The following GALNT13 variants were observed in gnomAD, a reference collection of about 807,000 sequenced individuals.
The protein encoded by GALNT13 is UDP-GalNAc:polypeptide N-acetylgalactosaminyltransferase 13.
GALNT13 carries 28 observed loss-of-function variants against 64.2 expected under a neutral mutation model. The observed-to-expected ratio is 0.44, with a 90% CI of 0.32 to 0.60. The LOEUF (loss-of-function observed/expected upper bound fraction) is 0.60, where lower values mean the gene tolerates loss of function less well. GALNT13 is among the 20% of genes least tolerant of loss of function. GALNT13 has a pLI of 0.05. For synonymous variants in GALNT13, 214 were observed against 224.6 expected (o/e 0.95, Z 0.42); for missense variants, 577 against 669.8 (o/e 0.86, Z 1.53).
chr2:154,386,353 A>C (rs529001088), intron 9 of GALNT13, among the ~76,000 whole-genome samples: 45 of 152,068 alleles, frequency 3.0e-4, no homozygotes, highest in Non-Finnish European at 3.7e-4. Context: ...GTGGTAAGTA[A>C]GGCAATCATG....
chr2:154,431,906 C>T (rs929015269), intron 11 of GALNT13, among the ~76,000 whole-genome samples: 4 of 152,192 alleles, frequency 2.6e-5, no homozygotes, highest in African/African-American at 9.7e-5. Flanking sequence ...TTGTGAGCCT[C>T]CCCAGCTATG....
chr2:154,262,534 T>A (rs1690755846), intron 8 of GALNT13, among the ~76,000 whole-genome samples: 1 of 152,174 alleles, frequency 6.6e-6, no homozygotes, highest in Admixed American at 6.6e-5. Flanking sequence ...GTTTCAAATA[T>A]TTCTCCCTAC....
At chr2:154,182,042 G>A (rs985396091) in intron 4 of GALNT13, among the ~76,000 whole-genome samples, 1 of 151,950 alleles carries the variant, frequency 6.6e-6, no homozygotes, top group African/African-American at 2.4e-5. Context: ...AATTCTTACC[G>A]AATATCAAAC....
chr2:153,755,482 G>A, the GALNT13 span, among the ~76,000 whole-genome samples: 1 of 151,796 alleles, frequency 6.6e-6, no homozygotes, highest in African/African-American at 2.4e-5. Context: ...GTTTTAATGG[G>A]CATTTCTCTA....
At chr2:153,322,071 G>T in the GALNT13 span, among the ~76,000 whole-genome samples, 1 of 151,604 alleles carries the variant, frequency 6.6e-6, no homozygotes, top group Admixed American at 6.6e-5. Flanking sequence ...ACATGTGAAG[G>T]TTTGTTACTT....
intron 3 of GALNT13, among the ~76,000 whole-genome samples, chr2:154,061,230 A>G (rs1558936808): frequency 6.6e-6 from 1 of 151,982 alleles, no homozygotes; most frequent in African/African-American, 2.4e-5. Flanking sequence ...TTATTTTTCT[A>G]TTATAAAAGC....
chr2:154,309,611 G>C (rs1417359732), intron 9 of GALNT13, among the ~76,000 whole-genome samples: 1 of 152,118 alleles, frequency 6.6e-6, no homozygotes, highest in Non-Finnish European at 1.5e-5. Flanking sequence ...TCTTGTGAGA[G>C]CAAGAACTCA....
At chr2:153,828,685 T>G in the GALNT13 span, among the ~76,000 whole-genome samples, 1 of 152,294 alleles carries the variant, frequency 6.6e-6, no homozygotes, top group East Asian at 1.9e-4. Context: ...TTTTCACCAT[T>G]GTTTGGGGAT....
chr2:154,365,837 A>C (rs1402287757), intron 9 of GALNT13, among the ~76,000 whole-genome samples: 1 of 152,206 alleles, frequency 6.6e-6, no homozygotes, highest in Non-Finnish European at 1.5e-5. Context: ...CTTAGCAGCC[A>C]AATTTTCTGA....
intron 7 of GALNT13, among the ~76,000 whole-genome samples, chr2:154,249,485 G>T (rs1376252656): frequency 6.6e-6 from 1 of 152,116 alleles, no homozygotes; most frequent in Non-Finnish European, 1.5e-5. Context: ...TCTTAATTAT[G>T]CCCTGTAAGT....
intron 3 of GALNT13, among the ~76,000 whole-genome samples, chr2:153,978,469 A>G (rs1319969421): frequency 1.3e-5 from 2 of 151,982 alleles, no homozygotes; most frequent in African/African-American, 2.4e-5. Context: ...TTGAATTCCC[A>G]TGTGTTGTGG....
intron 3 of GALNT13, among the ~76,000 whole-genome samples, chr2:154,068,012 T>C (rs1700556796): frequency 6.6e-6 from 1 of 151,794 alleles, no homozygotes; most frequent in African/African-American, 2.4e-5. Context: ...AACAACTACA[T>C]AGGAAAAAAT....
chr2:153,176,774 A>C, the GALNT13 span, among the ~76,000 whole-genome samples: 1 of 149,534 alleles, frequency 6.7e-6, no homozygotes, highest in Non-Finnish European at 1.5e-5. Flanking sequence ...TGAGTTTAAA[A>C]AAAAAAAAAA....
At chr2:153,611,171 A>G in the GALNT13 span, among the ~76,000 whole-genome samples, 2 of 152,150 alleles carry the variant, frequency 1.3e-5, no homozygotes, top group African/African-American at 4.8e-5. Context: ...ATTAAATGCA[A>G]ATGGTTTGAA....
the GALNT13 span, among the ~76,000 whole-genome samples, chr2:153,512,008 C>T: frequency 4.6e-5 from 7 of 152,106 alleles, no homozygotes; most frequent in East Asian, 7.8e-4. Flanking sequence ...TGGTAATCTG[C>T]GTATGTATGA....
At chr2:153,622,215 AAC>A in the GALNT13 span, among the ~76,000 whole-genome samples, 1 of 151,998 alleles carries the variant, frequency 6.6e-6, no homozygotes, top group African/African-American at 2.4e-5. Context: ...AGTTCTCTCT[AAC>A]ACACACACAT....
chr2:154,187,340 A>C (rs1004419882), intron 4 of GALNT13, among the ~76,000 whole-genome samples: 2 of 149,728 alleles, frequency 1.3e-5, no homozygotes, highest in Non-Finnish European at 3.0e-5. Context: ...GGAACAGTTA[A>C]GTGAATGAGT....
At chr2:154,214,985 A>T (rs1325672375) in intron 4 of GALNT13, among the ~76,000 whole-genome samples, 1 of 152,160 alleles carries the variant, frequency 6.6e-6, no homozygotes, top group Non-Finnish European at 1.5e-5. Context: ...GCTGTTGGGG[A>T]AAACAATATT....
chr2:153,202,772 A>C, the GALNT13 span, among the ~76,000 whole-genome samples: 1 of 152,236 alleles, frequency 6.6e-6, no homozygotes, highest in Non-Finnish European at 1.5e-5. Flanking sequence ...GTAAATAGTA[A>C]AATATTGATT....
Sources: allele counts gnomAD v4.1 joint callset (sites outside exome capture counted in the v4.1 genomes callset), GRCh38; gene constraint gnomAD v4.1.1; transcripts MANE v1.5; gene names NCBI Gene and HGNC (gene_info 2026-07-23, HGNC 2026-07-21).